SGCZ: variants seen among roughly 807,000 people sequenced by gnomAD.
SGCZ encodes sarcoglycan zeta.
Under a neutral mutation model 41.3 loss-of-function variants are expected in SGCZ, and 40 were observed. That is an observed-to-expected ratio of 0.97 (90% CI 0.75 to 1.26). SGCZ has a LOEUF of 1.26. Among genes scored for constraint, SGCZ ranks in the 50% most tolerant of loss-of-function variants. SGCZ has a pLI of 0.00. For synonymous variants in SGCZ, 206 were observed against 137.5 expected, an observed-to-expected ratio of 1.50 and a Z score of -3.49; for missense variants, 552 against 369.8, an observed-to-expected ratio of 1.49 and a Z score of -4.04.
At chr8:14,906,736 G>C (rs1414073087) in intron 1 of SGCZ, among the ~76,000 whole-genome samples, 1 of 152,270 alleles carries the variant, frequency 6.6e-6, no homozygotes, top group African/African-American at 2.4e-5. Context: ...ACACAGTTCT[G>C]AGAAATCAAC....
intron 2 of SGCZ, among the ~76,000 whole-genome samples, chr8:14,527,264 A>T (rs937487721): frequency 9.9e-5 from 15 of 152,182 alleles, no homozygotes; most frequent in African/African-American, 3.6e-4. Context: ...TGTATTTTCC[A>T]TGCTGTGTAA....
chr8:14,087,360 C>A lies in SGCZ; in HGVS notation c.*3083G>T, dbSNP rs1801550369. On this transcript the variant is annotated 3_prime_UTR_variant, in exon 8 of 8. Coordinates refer to ENST00000382080, the MANE Select transcript of SGCZ (RefSeq NM_139167.4). ...TCTGAAAAAGAAAAGAATAATGTGT[C>A]CTCTTTGCATCTTTCCTTTTGTGAT... Among the ~76,000 whole-genome samples the A allele has an allele frequency of 6.6e-6, 1 of 151,312 alleles. No homozygotes were observed. Among genetic ancestry groups the A allele is most frequent in the South Asian group, 2.1e-4 (1 of 4,810 alleles).
chr8:14,855,427 C>T (rs1445911403), intron 1 of SGCZ, among the ~76,000 whole-genome samples: 1 of 152,214 alleles, frequency 6.6e-6, no homozygotes, highest in East Asian at 1.9e-4. Context: ...CTGATTTATG[C>T]TTGCTATTCC....
In SGCZ at chr8:14,543,707, C is replaced by G. The variant is rs77288900; in HGVS notation, c.234+11025G>C. ...CTTGGACTACACTGGTTATTTAGTA[C>G]GGGCAAGGCAAGATCTTTAAAATTA... On this transcript the variant is annotated intron_variant, in intron 2 of 7. Transcript: ENST00000382080. 1.9e-3 allele frequency among the ~76,000 whole-genome samples: 292 copies of G among 152,140 alleles called. 1 individual carries two copies. Among genetic ancestry groups the G allele is most frequent in the African/African-American group, 6.5e-3 (270 of 41,518 alleles).
intron 2 of SGCZ, among the ~76,000 whole-genome samples, chr8:14,339,090 A>G (rs963007481): frequency 3.4e-5 from 5 of 145,350 alleles, no homozygotes; most frequent in Non-Finnish European, 6.3e-5. Context: ...CAACTATAAC[A>G]TATTATGTTT....
At chr8:14,994,306 G>T (rs112056112) in intron 1 of SGCZ, among the ~76,000 whole-genome samples, 33,585 of 152,090 alleles carry the variant, frequency 0.22, 4,495 homozygotes, top group Admixed American at 0.3. Context: ...TGAGGGGGCT[G>T]GGCATGGTGG....
chr8:14,528,847 A>G (rs1419856483), intron 2 of SGCZ, among the ~76,000 whole-genome samples: 1 of 149,586 alleles, frequency 6.7e-6, no homozygotes, highest in Non-Finnish European at 1.5e-5. Flanking sequence ...ACAAAACAAA[A>G]ACAAAAAAAG....
chr8:14,446,980 T>G (rs1175340098), intron 2 of SGCZ, among the ~76,000 whole-genome samples: 2 of 152,234 alleles, frequency 1.3e-5, no homozygotes, highest in Non-Finnish European at 2.9e-5. Flanking sequence ...GCAAAAGCTT[T>G]AGATCTTTGA....
rs1275667444 is a variant in SGCZ at position 14,551,533 on chromosome 8, A to ATT, written c.234+3198_234+3199insAA. 4.1e-3 allele frequency among the ~76,000 whole-genome samples: 50 copies of ATT among 12,172 alleles called. 1 individual carries two copies. Among genetic ancestry groups the ATT allele is most frequent in the East Asian group, 5.9e-3 (1 of 170 alleles). 8.0% of individuals were successfully genotyped at this position (12,172 alleles called of 152,430 possible). A position where few individuals can be genotyped will look rare whatever the true frequency, so the allele number is the denominator to read the frequency against. On this transcript the variant is annotated intron_variant, in intron 2 of 7. Transcript: ENST00000382080. ...TATATATATTATATATAATATATAT[A>ATT]ATATATATAATATATATAATATATA... is the stretch of plus-strand genomic sequence containing the variant.
At position 14,084,901 on chromosome 8, in the gene SGCZ, A is replaced by G. The variant is rs1399732450; in HGVS notation, c.*5542T>C. On this transcript the variant is annotated 3_prime_UTR_variant, in exon 8 of 8. Coordinates refer to ENST00000382080, the MANE Select transcript of SGCZ (RefSeq NM_139167.4). Reference sequence around the variant, plus strand: ...CATTTAATCATGGTTACATAGTAGCACCAAAATTAGGACAAATTACAAGAA... The same window carrying G: ...CATTTAATCATGGTTACATAGTAGCGCCAAAATTAGGACAAATTACAAGAA... 6.6e-6 allele frequency among the ~76,000 whole-genome samples: 1 copy of G among 151,820 alleles called. No individual in the cohort carries two copies. The highest frequency in any genetic ancestry group is 1.5e-5 in the Non-Finnish European group (1 of 67,850).
intron 2 of SGCZ, among the ~76,000 whole-genome samples, chr8:14,528,412 C>T (rs544665519): frequency 2.0e-5 from 3 of 152,072 alleles, no homozygotes; most frequent in Non-Finnish European, 2.9e-5. Flanking sequence ...CTCCAGATTA[C>T]TCCTCTCTTA....
At chr8:14,244,232 T>A (rs1379128701) in intron 3 of SGCZ, among the ~76,000 whole-genome samples, 1 of 151,868 alleles carries the variant, frequency 6.6e-6, no homozygotes, top group Non-Finnish European at 1.5e-5. Context: ...CTCCTCCTTC[T>A]CTTCCTTCTT....
intron 4 of SGCZ, among the ~76,000 whole-genome samples, chr8:14,166,510 C>G (rs770524210): frequency 1.3e-5 from 2 of 152,026 alleles, no homozygotes; most frequent in Non-Finnish European, 2.9e-5. Flanking sequence ...ACACATTAAC[C>G]CTGAACTGCC....
chr8:14,684,622 CT>C (rs1808549861), intron 1 of SGCZ, among the ~76,000 whole-genome samples: 1 of 151,930 alleles, frequency 6.6e-6, no homozygotes, highest in African/African-American at 2.4e-5. Context: ...ATTAAAATAG[CT>C]TTAAAAAGTT....
chr8:14,098,001 T>C (rs998269861), intron 7 of SGCZ, among the ~76,000 whole-genome samples: 2 of 152,176 alleles, frequency 1.3e-5, no homozygotes, highest in African/African-American at 4.8e-5. Context: ...TATAGCCATC[T>C]TCACACCTTA....
chr8:14,881,767 A>G (rs1478471014), intron 1 of SGCZ, among the ~76,000 whole-genome samples: 1 of 152,208 alleles, frequency 6.6e-6, no homozygotes, highest in African/African-American at 2.4e-5. Context: ...TCCAAAAATA[A>G]CAGAATATAC....
At chr8:14,138,463 T>C (rs1378196642) in intron 5 of SGCZ, among the ~76,000 whole-genome samples, 1 of 147,138 alleles carries the variant, frequency 6.8e-6, no homozygotes, top group African/African-American at 2.5e-5. Context: ...GAGACACACA[T>C]AGGCTCAAAA....
At chr8:15,208,152 G>A (rs1455997395) in intron 1 of SGCZ, among the ~76,000 whole-genome samples, 1 of 152,176 alleles carries the variant, frequency 6.6e-6, no homozygotes, top group Non-Finnish European at 1.5e-5. Flanking sequence ...GCCTTTCAAG[G>A]CCAAAATAAG....
chr8:14,425,408 G>A (rs556806664), intron 2 of SGCZ, among the ~76,000 whole-genome samples: 3 of 152,072 alleles, frequency 2.0e-5, no homozygotes, highest in Non-Finnish European at 2.9e-5. Context: ...ATCACCTGAG[G>A]TCAGGAGTTT....
Sources: allele counts gnomAD v4.1 joint callset (sites outside exome capture counted in the v4.1 genomes callset), GRCh38; gene constraint gnomAD v4.1.1; transcripts MANE v1.5; gene names NCBI Gene and HGNC (gene_info 2026-07-23, HGNC 2026-07-21).